LRFN5: variants seen among roughly 807,000 people sequenced by gnomAD.
LRFN5 encodes the protein leucine-rich repeat and fibronectin type-III domain-containing protein 5.
Under a neutral mutation model 45.6 loss-of-function variants are expected in LRFN5, and 24 were observed. The observed-to-expected ratio is 0.53, with a 90% CI of 0.38 to 0.74. LRFN5 has a LOEUF of 0.74. Ranked by LOEUF, LRFN5 falls within the 30% of genes least tolerant of loss-of-function variation. The pLI, the probability that LRFN5 is intolerant of heterozygous loss-of-function variation, is 0.00. For missense variants in LRFN5, 776 were observed against 861.5 expected, an observed-to-expected ratio of 0.90 and a Z score of 1.24; for synonymous variants, 340 against 313.8, an observed-to-expected ratio of 1.08 and a Z score of -0.88.
intron 2 of LRFN5, among the ~76,000 whole-genome samples, chr14:41,794,118 T>A (rs1020250396): frequency 1.3e-5 from 2 of 152,038 alleles, no homozygotes; most frequent in African/African-American, 4.8e-5. Flanking sequence ...CCACAAATGA[T>A]GAAAATAATA....
At chr14:41,789,892 C>T (rs1036851657) in intron 2 of LRFN5, among the ~76,000 whole-genome samples, 3 of 128,128 alleles carry the variant, frequency 2.3e-5, no homozygotes, top group East Asian at 3.3e-4. Flanking sequence ...AATTTGCATC[C>T]GAGTTTATGA....
At chr14:41,674,725 A>T (rs1200222740) in intron 1 of LRFN5, among the ~76,000 whole-genome samples, 1 of 150,042 alleles carries the variant, frequency 6.7e-6, no homozygotes, top group Non-Finnish European at 1.5e-5. Flanking sequence ...TCCCTCCCGG[A>T]CGGGGTGGCT....
chr14:41,779,755 T>C (rs1029819572), intron 2 of LRFN5, among the ~76,000 whole-genome samples: 2 of 151,946 alleles, frequency 1.3e-5, no homozygotes, highest in African/African-American at 4.8e-5. Context: ...TTGGTCGCCA[T>C]AGAGTTATTC....
At chr14:41,788,049 A>C (rs1886791247) in intron 2 of LRFN5, among the ~76,000 whole-genome samples, 1 of 152,130 alleles carries the variant, frequency 6.6e-6, no homozygotes, top group African/African-American at 2.4e-5. Flanking sequence ...AGCCCTCACC[A>C]GAACTCAACT....
intron 2 of LRFN5, among the ~76,000 whole-genome samples, chr14:41,783,702 A>G (rs10148675): frequency 0.49 from 74,797 of 151,760 alleles, 19,139 homozygotes; most frequent in East Asian, 0.91. Context: ...GCCTTAAAAA[A>G]AGGGGATGTT....
intron 1 of LRFN5, among the ~76,000 whole-genome samples, chr14:41,641,576 A>G (rs141715973): frequency 8.7e-4 from 133 of 152,230 alleles, no homozygotes; most frequent in Non-Finnish European, 1.4e-3. Flanking sequence ...ATACTTTTCT[A>G]TACACATATT....
chr14:41,788,659 A>G, intron 2 of LRFN5, among the ~76,000 whole-genome samples: 1 of 152,104 alleles, frequency 6.6e-6, no homozygotes, highest in Non-Finnish European at 1.5e-5. Flanking sequence ...AAAGGAATCT[A>G]CATTAACATG....
chr14:41,628,207 C>A (rs1302139169), intron 1 of LRFN5, among the ~76,000 whole-genome samples: 3 of 152,132 alleles, frequency 2.0e-5, no homozygotes, highest in Non-Finnish European at 4.4e-5. Flanking sequence ...CTCATTTATT[C>A]TTAACAATAT....
chr14:41,675,851 C>T (rs1881606685), intron 1 of LRFN5, among the ~76,000 whole-genome samples: 2 of 152,204 alleles, frequency 1.3e-5, no homozygotes, highest in South Asian at 2.1e-4. Context: ...TGATAATCAC[C>T]TAAAGCCTGT....
intron 2 of LRFN5, among the ~76,000 whole-genome samples, chr14:41,813,263 G>T (rs1055927214): frequency 3.9e-5 from 6 of 151,980 alleles, no homozygotes; most frequent in African/African-American, 1.5e-4. Flanking sequence ...TTGTCACATA[G>T]GTATACATGT....
intron 1 of LRFN5, among the ~76,000 whole-genome samples, chr14:41,746,862 G>A (rs963129098): frequency 1.3e-5 from 2 of 151,848 alleles, no homozygotes; most frequent in African/African-American, 4.8e-5. Context: ...AGCAAAATAA[G>A]CGAATACAAT....
intron 1 of LRFN5, among the ~76,000 whole-genome samples, chr14:41,670,407 C>T (rs141886536): frequency 1.3e-5 from 2 of 149,194 alleles, no homozygotes; most frequent in African/African-American, 4.9e-5. Context: ...AAACTTTTCA[C>T]TACGTAATTT....
chr14:41,656,979 C>G (rs912113215), intron 1 of LRFN5, among the ~76,000 whole-genome samples: 6 of 151,696 alleles, frequency 4.0e-5, no homozygotes, highest in Non-Finnish European at 8.8e-5. Flanking sequence ...AAGTAAAAAC[C>G]CTTATCCTCA....
intron 2 of LRFN5, among the ~76,000 whole-genome samples, chr14:41,869,426 A>C (rs1594480700): frequency 6.7e-6 from 1 of 149,664 alleles, no homozygotes; most frequent in Non-Finnish European, 1.5e-5. Context: ...AACTTTATGC[A>C]GCTTTTTTTT....
intron 1 of LRFN5, among the ~76,000 whole-genome samples, chr14:41,693,918 C>T (rs1882487537): frequency 6.6e-6 from 1 of 151,930 alleles, no homozygotes; most frequent in African/African-American, 2.4e-5. Context: ...CACTTCAATG[C>T]CCTTTACCAG....
At chr14:41,640,132 C>T (rs1187885491) in intron 1 of LRFN5, among the ~76,000 whole-genome samples, 1 of 151,552 alleles carries the variant, frequency 6.6e-6, no homozygotes, top group African/African-American at 2.4e-5. Context: ...CCCCTGGGAT[C>T]CTGGGGGAAA....
At chr14:41,664,860 A>C (rs1217295859) in intron 1 of LRFN5, among the ~76,000 whole-genome samples, 1 of 151,950 alleles carries the variant, frequency 6.6e-6, no homozygotes, top group African/African-American at 2.4e-5. Context: ...GGTATGGGCC[A>C]CACAAATCAA....
chr14:41,728,188 A>G lies in LRFN5; in HGVS notation c.-196-38666A>G, dbSNP rs916012410. On this transcript the variant is annotated intron_variant, in intron 1 of 5. Transcript: ENST00000298119. ...TCATATTTATTGGATAAACTTGGCC[A>G]GGTCAGCAATCACTAAAAGCACACG... Among the ~76,000 whole-genome samples the G allele has an allele frequency of 3.9e-5, 6 of 152,148 alleles. No homozygotes were observed. The South Asian group carries it at 8.3e-4, about 21-fold the overall frequency.
At chr14:41,777,801 A>C (rs1886343773) in intron 2 of LRFN5, among the ~76,000 whole-genome samples, 3 of 151,762 alleles carry the variant, frequency 2.0e-5, no homozygotes, top group Admixed American at 2.0e-4. Flanking sequence ...CAGAAGCACA[A>C]TTGTCCCTTT....
Sources: allele counts gnomAD v4.1 joint callset (sites outside exome capture counted in the v4.1 genomes callset), GRCh38; gene constraint gnomAD v4.1.1; transcripts MANE v1.5; gene names NCBI Gene and HGNC (gene_info 2026-07-23, HGNC 2026-07-21).